FAM25G: variants seen among roughly 807,000 people sequenced by gnomAD.
FAM25G encodes family with sequence similarity 25 member G, also known as protein FAM25G.
FAM25G carries 3 observed loss-of-function variants against 6.4 expected under a neutral mutation model. The ratio of observed to expected loss-of-function variants is 0.47; its 90% CI spans 0.21 to 1.21. The LOEUF is 1.21. FAM25G is among the 50% of genes most tolerant of loss of function. The pLI is 0.22. For missense variants in FAM25G, 34 were observed against 76.0 expected (o/e 0.45, Z 2.06); for synonymous variants, 15 against 31.3 (o/e 0.48, Z 1.74).
intron 2 of FAM25G, among the ~76,000 whole-genome samples, chr10:47,488,696 A>T (rs1474786357): frequency 7.3e-6 from 1 of 137,168 alleles, no homozygotes; most frequent in East Asian, 2.4e-4. Context: ...CATTTAACAT[A>T]GAATTTTACA....
rs1326039906 is a variant in FAM25G, at chr10:47,488,163, C to T, written c.137-755G>A. Among the ~76,000 whole-genome samples, 477 of 132,662 alleles carry T rather than the reference C, an allele frequency of 3.6e-3. 4 individuals are homozygous for T. The highest frequency in any genetic ancestry group is 0.013 in the African/African-American group (467 of 35,152). 87.0% of individuals were successfully genotyped at this position (132,662 alleles called of 152,430 possible). The stretch of plus-strand genomic sequence containing the variant: ...CCTTGATCTTGGACTTCCCATCCTC[C>T]AGGAGTGTGAGAAATAAATTTCTGT... On this transcript the variant is annotated intron_variant, in intron 2 of 2. Coordinates refer to ENST00000452267, the MANE Select transcript of FAM25G (RefSeq NM_001137549.2).
chr10:47,488,957 C>T (rs1371186167), intron 2 of FAM25G, among the ~76,000 whole-genome samples: 62 of 148,260 alleles, frequency 4.2e-4, no homozygotes, highest in Non-Finnish European at 4.6e-4. Flanking sequence ...CCTCATGATC[C>T]GCCCACCTCA....
intron 2 of FAM25G, among the ~76,000 whole-genome samples, chr10:47,489,382 CAG>C (rs1840106854): frequency 6.6e-6 from 1 of 150,884 alleles, no homozygotes. Flanking sequence ...TCTTATTCCA[CAG>C]AGAGAACCAT....
At chr10:47,488,573 A>G (rs1840086482) in intron 2 of FAM25G, among the ~76,000 whole-genome samples, 1 of 151,084 alleles carries the variant, frequency 6.6e-6, no homozygotes, top group African/African-American at 2.5e-5. Flanking sequence ...TAATAAATTC[A>G]TTTATGTAAA....
In FAM25G at chr10:47,488,543, A is replaced by C. The variant is rs1297722867; in HGVS notation, c.136+1043T>G. Among the ~76,000 whole-genome samples, 168 of 151,456 alleles carry C rather than the reference A, an allele frequency of 1.1e-3. 8 individuals carry two copies. The highest frequency in any genetic ancestry group is 4.0e-3 in the African/African-American group (165 of 40,958). On this transcript the variant is annotated intron_variant, in intron 2 of 2. Transcript: ENST00000452267. Reference sequence around the variant, plus strand: ...TTTTATAAGAGCAGCCTGAGCTAAGATGTTTATCTCCTAGTAAGTTAATAA... The same window carrying C: ...TTTTATAAGAGCAGCCTGAGCTAAGCTGTTTATCTCCTAGTAAGTTAATAA...
intron 2 of FAM25G, among the ~76,000 whole-genome samples, chr10:47,487,866 A>G (rs1412176561): frequency 0.17 from 24,139 of 143,686 alleles, 2,612 homozygotes; most frequent in East Asian, 0.49. Flanking sequence ...TCATAGTTCT[A>G]AAGATTCTCC....
At chr10:47,488,929 G>A (rs1457416067) in intron 2 of FAM25G, among the ~76,000 whole-genome samples, 6 of 146,898 alleles carry the variant, frequency 4.1e-5, no homozygotes, top group African/African-American at 5.0e-5. Flanking sequence ...CGGTTTCACC[G>A]TGGTCTGGAT....
intron 2 of FAM25G, among the ~76,000 whole-genome samples, chr10:47,488,215 T>C (rs1840080346): frequency 7.5e-6 from 1 of 133,930 alleles, no homozygotes; most frequent in Admixed American, 7.7e-5. Context: ...AGTTTATGGT[T>C]TGTTTTTGTT....
intron 1 of FAM25G, among the ~76,000 whole-genome samples, chr10:47,490,695 G>A (rs1840136045): frequency 7.1e-6 from 1 of 140,424 alleles, no homozygotes; most frequent in African/African-American, 2.7e-5. Flanking sequence ...GCTAGTGAAA[G>A]GTTAAAGCAG....
chr10:47,490,621 C>T (rs1434185922), intron 1 of FAM25G, among the ~76,000 whole-genome samples: 1 of 150,348 alleles, frequency 6.7e-6, no homozygotes, highest in African/African-American at 2.5e-5. Flanking sequence ...TCTAGCAAGC[C>T]CTGCCTCAGC....
intron 2 of FAM25G, among the ~76,000 whole-genome samples, chr10:47,488,671 C>A (rs1840087942): frequency 7.1e-6 from 1 of 140,180 alleles, no homozygotes; most frequent in African/African-American, 2.6e-5. Flanking sequence ...TCATAGCTCA[C>A]ACACATCAAT....
intron 1 of FAM25G, among the ~76,000 whole-genome samples, chr10:47,490,024 G>A (rs1218802159): frequency 4.0e-5 from 6 of 150,302 alleles, no homozygotes; most frequent in African/African-American, 1.5e-4. Flanking sequence ...GGCCTGGAAT[G>A]GCAATGAGCA....
At chr10:47,488,712 AATTTTTTTTT>A (rs1297713162) in intron 2 of FAM25G, among the ~76,000 whole-genome samples, 14 of 95,946 alleles carry the variant, frequency 1.5e-4, no homozygotes, top group African/African-American at 4.1e-4. Flanking sequence ...TTACATGTTA[AATTTTTTTTT>A]TTTTTTTTTT....
At chr10:47,487,734 T>C (rs1840072354) in intron 2 of FAM25G, among the ~76,000 whole-genome samples, 1 of 149,062 alleles carries the variant, frequency 6.7e-6, no homozygotes, top group African/African-American at 2.5e-5. Flanking sequence ...ACAAATATTT[T>C]TCATCAGTGT....
At chr10:47,487,842 C>G (rs1337398503) in intron 2 of FAM25G, among the ~76,000 whole-genome samples, 1 of 148,214 alleles carries the variant, frequency 6.7e-6, no homozygotes, top group Non-Finnish European at 1.5e-5. Context: ...TCCTTTATGG[C>G]GCTGATTTTT....
At chr10:47,488,592 C>CT (rs1430424611) in intron 2 of FAM25G, among the ~76,000 whole-genome samples, 5 of 150,552 alleles carry the variant, frequency 3.3e-5, no homozygotes, top group Non-Finnish European at 7.4e-5. Flanking sequence ...AATGTAAGTC[C>CT]TTCATCTACC....
chr10:47,488,583 A>C (rs1840086587), intron 2 of FAM25G, among the ~76,000 whole-genome samples: 1 of 150,972 alleles, frequency 6.6e-6, no homozygotes, highest in Non-Finnish European at 1.5e-5. Context: ...ATTTATGTAA[A>C]TGTAAGTCCT....
At chr10:47,488,178 TA>T (rs1373468890) in intron 2 of FAM25G, among the ~76,000 whole-genome samples, 11 of 131,348 alleles carry the variant, frequency 8.4e-5, no homozygotes, top group African/African-American at 2.9e-4. Flanking sequence ...GTGTGAGAAA[TA>T]AATTTCTGTT....
rs879088498 is a variant in FAM25G at position 47,489,240 on chromosome 10, G to A, written c.136+346C>T. Among the ~76,000 whole-genome samples, 42 of 137,616 alleles carry A rather than the reference G, an allele frequency of 3.1e-4. 1 individual carries two copies. The highest frequency in any genetic ancestry group is 7.0e-4 in the African/African-American group (26 of 37,164). The allele number at this position is 137,616 out of a possible 152,430, so 90.3% of individuals were successfully genotyped here. A position where few individuals can be genotyped will look rare whatever the true frequency, so the allele number is the denominator to read the frequency against. On this transcript the variant is annotated intron_variant, in intron 2 of 2. Transcript: ENST00000452267. Reference sequence around the variant, plus strand: ...TCACCGTGTTAGCCAGGATGGTCTCGATCTCCTGACCTCATGATCCGCCCT... The same window carrying A: ...TCACCGTGTTAGCCAGGATGGTCTCAATCTCCTGACCTCATGATCCGCCCT...
Sources: allele counts gnomAD v4.1 joint callset (sites outside exome capture counted in the v4.1 genomes callset), GRCh38; gene constraint gnomAD v4.1.1; transcripts MANE v1.5; gene names NCBI Gene and HGNC (gene_info 2026-07-23, HGNC 2026-07-21).